The following DOCK4 variants were observed in gnomAD, a reference collection of about 807,000 sequenced individuals.
DOCK4 encodes dedicator of cytokinesis protein 4.
A neutral mutation model predicts 268.1 loss-of-function variants in DOCK4; 97 were observed. The ratio of observed to expected loss-of-function variants is 0.36; its 90% confidence interval spans 0.31 to 0.43. The LOEUF (loss-of-function observed/expected upper bound fraction) is 0.43. Among genes scored for constraint, DOCK4 ranks in the 20% least tolerant of loss-of-function variants. The probability of loss-of-function intolerance (pLI) is 1.00; values close to 1 mark genes in which losing one functional copy is unlikely to be tolerated. For missense variants in DOCK4, 2,145 were observed against 2,455.7 expected, an observed-to-expected ratio of 0.87 and a Z score of 2.67; for synonymous variants, 954 against 887.2, an observed-to-expected ratio of 1.08 and a Z score of -1.34.
At chr7:112,064,823 G>T (rs1447436223) in intron 1 of DOCK4, among the ~76,000 whole-genome samples, 1 of 152,184 alleles carries the variant, frequency 6.6e-6, no homozygotes, top group Non-Finnish European at 1.5e-5. Flanking sequence ...TGGTGTTCTT[G>T]TAAGAGGAAA....
At position 111,747,267 on chromosome 7, in the gene DOCK4, C is replaced by G; in HGVS notation, c.4593G>C (p.Glu1531Asp). Residue 1531 changes from glutamate (E) to aspartate (D), a missense_variant and splice_region_variant, in exon 43 of 53, where the codon GAG becomes GAC. By Grantham distance (45) the Glu-to-Asp change is conservative. Transcript: ENST00000428084. Reference sequence around the variant, plus strand: ...TGAAACAACAATACCTAATCCTTACCTCTTGATACCTGGAAACGCCACCAT... The same window carrying G: ...TGAAACAACAATACCTAATCCTTACGTCTTGATACCTGGAAACGCCACCAT... Reference protein sequence around the residue: ...AVNGGVSRYQEAFFVKEYILS... With the variant: ...AVNGGVSRYQDAFFVKEYILS... 1 of 1,611,664 alleles carries G rather than the reference C, an allele frequency of 6.2e-7. No homozygotes were observed. Among genetic ancestry groups the G allele is most frequent in the Non-Finnish European group, 8.5e-7 (1 of 1,179,044 alleles).
intron 1 of DOCK4, among the ~76,000 whole-genome samples, chr7:112,042,199 A>C (rs1251241208): frequency 1.3e-5 from 2 of 152,218 alleles, no homozygotes; most frequent in African/African-American, 4.8e-5. Context: ...AGTCATCTGC[A>C]AGGCGACAGA....
intron 4 of DOCK4, among the ~76,000 whole-genome samples, chr7:111,996,272 C>T (rs940865815): frequency 6.6e-6 from 1 of 152,148 alleles, no homozygotes; most frequent in Non-Finnish European, 1.5e-5. Flanking sequence ...GGGGGTTGTC[C>T]AAGCAAAATT....
chr7:111,788,272 G>C (rs906234179), intron 32 of DOCK4, among the ~76,000 whole-genome samples: 4 of 152,194 alleles, frequency 2.6e-5, no homozygotes, highest in Admixed American at 6.5e-5. Context: ...CAGCAAATCA[G>C]CATCAGTATC....
chr7:111,977,488 A>G (rs973311750), intron 7 of DOCK4, among the ~76,000 whole-genome samples: 1 of 152,184 alleles, frequency 6.6e-6, no homozygotes, highest in Non-Finnish European at 1.5e-5. Context: ...GAAGATATCC[A>G]ATTTAACTTT....
intron 1 of DOCK4, among the ~76,000 whole-genome samples, chr7:112,101,060 G>C (rs752884542): frequency 2.0e-5 from 3 of 152,142 alleles, no homozygotes; most frequent in Admixed American, 6.5e-5. Context: ...GGTGTGTTAT[G>C]GAAGGAAGGG....
At chr7:111,994,114 G>A in intron 5 of DOCK4, 21 bp downstream of exon 5, 1 of 1,486,430 alleles carries the variant, frequency 6.7e-7, no homozygotes, top group Non-Finnish European at 9.2e-7. Flanking sequence ...GAAAAATCGT[G>A]TCATTAAAAA....
rs1230437404 is a variant in DOCK4 at position 111,871,757 on chromosome 7, A to G, written c.2027+233T>C. Among the ~76,000 whole-genome samples the G allele has an allele frequency of 4.6e-5, 7 of 152,346 alleles. 2 individuals carry two copies. The highest frequency in any genetic ancestry group is 3.9e-4 in the Admixed American group (6 of 15,312). ...AACAGAGACAAGAAGGAAAGACTTT[A>G]TATTTTAGGGCTCAGGAATAGAATT... On this transcript the variant is annotated intron_variant, in intron 20 of 52. Coordinates refer to ENST00000428084, the MANE Select transcript of DOCK4 (RefSeq NM_001363540.2).
At chr7:111,956,902 C>G (rs1796492853) in intron 8 of DOCK4, among the ~76,000 whole-genome samples, 1 of 152,260 alleles carries the variant, frequency 6.6e-6, no homozygotes, top group East Asian at 1.9e-4. Flanking sequence ...AATTTCCATT[C>G]CAATAGCTTT....
chr7:111,951,076 T>C (rs1178185775), intron 8 of DOCK4, among the ~76,000 whole-genome samples: 2 of 152,168 alleles, frequency 1.3e-5, no homozygotes, highest in Non-Finnish European at 2.9e-5. Context: ...TGAGTCATTA[T>C]AAATCATGAT....
intron 39 of DOCK4, among the ~76,000 whole-genome samples, chr7:111,760,738 T>TGTGTG (rs1797341789): frequency 7.3e-6 from 1 of 136,910 alleles, no homozygotes; most frequent in African/African-American, 2.8e-5. Flanking sequence ...TGTCTGCTTT[T>TGTGTG]TGTGTGTGTG....
chr7:112,017,001 G>A (rs1801863504), intron 1 of DOCK4, among the ~76,000 whole-genome samples: 1 of 152,130 alleles, frequency 6.6e-6, no homozygotes, highest in South Asian at 2.1e-4. Flanking sequence ...ACGATTAACT[G>A]TAATCATCTT....
intron 1 of DOCK4, among the ~76,000 whole-genome samples, chr7:112,162,901 T>C (rs1301930405): frequency 1.3e-5 from 2 of 152,202 alleles, no homozygotes; most frequent in African/African-American, 4.8e-5. Flanking sequence ...CAAGGACACT[T>C]GACTTTCCAG....
intron 15 of DOCK4, among the ~76,000 whole-genome samples, chr7:111,899,364 G>A (rs541611062): frequency 4.6e-5 from 7 of 152,184 alleles, no homozygotes; most frequent in East Asian, 1.9e-4. Flanking sequence ...TGTATCTCTC[G>A]TTTGTTGTAC....
chr7:111,891,945 C>T (rs1432261132), intron 16 of DOCK4, among the ~76,000 whole-genome samples: 9 of 152,080 alleles, frequency 5.9e-5, no homozygotes, highest in Admixed American at 5.9e-4. Context: ...GGAATAGCAA[C>T]CCTTTATAAG....
chr7:112,177,653 G>A (rs1818649111), intron 1 of DOCK4, among the ~76,000 whole-genome samples: 1 of 152,148 alleles, frequency 6.6e-6, no homozygotes, highest in African/African-American at 2.4e-5. Context: ...TAATCACATG[G>A]AAATGACTGG....
chr7:112,092,076 C>T (rs1050858978), intron 1 of DOCK4, among the ~76,000 whole-genome samples: 1 of 152,118 alleles, frequency 6.6e-6, no homozygotes, highest in African/African-American at 2.4e-5. Flanking sequence ...AACCCAGGAC[C>T]ACTTTCTCAA....
chr7:112,126,457 A>G (rs2434357), intron 1 of DOCK4, among the ~76,000 whole-genome samples: 66,038 of 151,992 alleles, frequency 0.43, 14,977 homozygotes, highest in South Asian at 0.61. Context: ...CTTAGTGTCT[A>G]GTACCAGCAG....
intron 29 of DOCK4, among the ~76,000 whole-genome samples, 195 bp downstream of exon 29, chr7:111,809,106 G>A (rs1449271606): frequency 6.6e-6 from 1 of 152,152 alleles, no homozygotes; most frequent in Non-Finnish European, 1.5e-5. Flanking sequence ...TTTGAATCCT[G>A]AAAGAGCCAG....
Sources: gnomAD v4.1 joint callset for allele counts (sites outside exome capture counted in the v4.1 genomes callset) on GRCh38, gnomAD v4.1.1 for gene constraint, MANE v1.5 for transcripts, NCBI Gene and HGNC (gene_info 2026-07-23, HGNC 2026-07-21) for gene names.